PTK2: variants seen among roughly 807,000 people sequenced by gnomAD.
The protein encoded by PTK2 is protein tyrosine kinase 2, also known as focal adhesion kinase 1.
A neutral mutation model predicts 150.1 loss-of-function variants in PTK2; 45 were observed. The observed-to-expected ratio is 0.30, with a 90% CI of 0.24 to 0.38. The LOEUF is 0.38. PTK2 is among the 10% of genes least tolerant of loss of function. The pLI is 1.00. For synonymous variants in PTK2, 432 were observed against 449.2 expected (o/e 0.96, Z 0.48); for missense variants, 919 against 1,307.3 (o/e 0.70, Z 4.58).
At chr8:140,776,856 A>C (rs1209800008) in intron 14 of PTK2, among the ~76,000 whole-genome samples, 1 of 152,226 alleles carries the variant, frequency 6.6e-6, no homozygotes, top group Non-Finnish European at 1.5e-5. Context: ...ACTGTGGCTG[A>C]CACAAAGTGT....
chr8:140,703,120 C>T (rs368553483), intron 24 of PTK2, among the ~76,000 whole-genome samples: 7 of 152,052 alleles, frequency 4.6e-5, no homozygotes, highest in Middle Eastern at 3.4e-3. Context: ...CCGAGGCAGG[C>T]GGATCACAAG....
intron 1 of PTK2, among the ~76,000 whole-genome samples, chr8:140,927,975 A>AAAAAAATAT: frequency 1.7e-4 from 8 of 48,186 alleles, no homozygotes; most frequent in South Asian, 1.0e-3. Flanking sequence ...AAAAAAAAAA[A>AAAAAAATAT]ATATATATAT....
chr8:140,965,679 C>G (rs1317677462), intron 1 of PTK2, among the ~76,000 whole-genome samples: 2 of 152,180 alleles, frequency 1.3e-5, no homozygotes, highest in African/African-American at 4.8e-5. Flanking sequence ...GAGTTCGAGA[C>G]CAGCCTGGCC....
intron 22 of PTK2, among the ~76,000 whole-genome samples, chr8:140,729,374 A>T (rs914274971): frequency 2.6e-5 from 4 of 152,224 alleles, no homozygotes; most frequent in African/African-American, 9.6e-5. Context: ...GATTTGCTTG[A>T]AGTCAACTCT....
chr8:140,671,516 A>C (rs2095407174), intron 29 of PTK2, among the ~76,000 whole-genome samples: 1 of 152,174 alleles, frequency 6.6e-6, no homozygotes, highest in African/African-American at 2.4e-5. Context: ...CACTGTGCCT[A>C]GCTGCATTGC....
At chr8:140,744,061 GCC>G (rs1565485626) in intron 19 of PTK2, among the ~76,000 whole-genome samples, 62 of 65,120 alleles carry the variant, frequency 9.5e-4, no homozygotes, top group Non-Finnish European at 1.3e-3. Context: ...ACAGCTATGA[GCC>G]ACCGCGCCCG....
chr8:140,877,456 G>A (rs1265300329), intron 4 of PTK2, among the ~76,000 whole-genome samples: 2 of 152,234 alleles, frequency 1.3e-5, no homozygotes, highest in South Asian at 2.1e-4. Context: ...AGCTAAGTTC[G>A]AATCAAAGCT....
At chr8:140,832,752 G>C (rs919265965) in intron 7 of PTK2, 2 of 501,512 alleles carry the variant, frequency 4.0e-6, no homozygotes, top group East Asian at 5.5e-5. Flanking sequence ...TACGCACCGA[G>C]AACAGAAAGG....
At chr8:140,742,408 C>G (rs183625917) in intron 20 of PTK2, among the ~76,000 whole-genome samples, 21 of 152,314 alleles carry the variant, frequency 1.4e-4, no homozygotes, top group African/African-American at 5.1e-4. Context: ...CGTGCAACTC[C>G]TGGGTCATAT....
intron 1 of PTK2, among the ~76,000 whole-genome samples, chr8:140,941,979 C>T (rs539340519): frequency 1.3e-5 from 2 of 152,176 alleles, no homozygotes; most frequent in East Asian, 1.9e-4. Flanking sequence ...GCTTGACCAC[C>T]CCCAGGTTCA....
In PTK2 at chr8:140,664,904, G is replaced by A; in HGVS notation, c.2946+13C>T. The A allele has an allele frequency of 6.2e-7, 1 of 1,611,946 alleles. No homozygotes were observed. Among genetic ancestry groups the A allele is most frequent in the South Asian group, 1.1e-5 (1 of 90,618 alleles). On this transcript the variant is annotated intron_variant, in intron 31 of 31. Transcript: ENST00000522684. ...CTGTCACAGAGGGCTGCAAGGGGAA[G>A]ATTGTGCCCTACCTCTCGGTGGGTG...
intron 10 of PTK2, among the ~76,000 whole-genome samples, chr8:140,806,259 C>A: frequency 6.6e-6 from 1 of 152,182 alleles, no homozygotes. Context: ...CTATACTATG[C>A]TGTTTTTGAA....
At chr8:140,854,977 A>ATATG (rs2100131643) in intron 5 of PTK2, among the ~76,000 whole-genome samples, 1 of 152,150 alleles carries the variant, frequency 6.6e-6, no homozygotes, top group Admixed American at 6.5e-5. Context: ...CCAAATATAT[A>ATATG]TATGTATGTA....
At chr8:140,991,248 C>T (rs1384565640) in intron 1 of PTK2, among the ~76,000 whole-genome samples, 1 of 152,170 alleles carries the variant, frequency 6.6e-6, no homozygotes, top group Non-Finnish European at 1.5e-5. Context: ...CAAGACTTGG[C>T]AATCACCCTG....
intron 14 of PTK2, among the ~76,000 whole-genome samples, chr8:140,786,408 T>C (rs1164203127): frequency 1.3e-5 from 2 of 152,128 alleles, no homozygotes; most frequent in Non-Finnish European, 2.9e-5. Flanking sequence ...GAAATAACCC[T>C]GGGATTTAGT....
In PTK2 at chr8:140,698,259, C is replaced by A. The variant is rs114325133; in HGVS notation, c.2499+2632G>T. Among the ~76,000 whole-genome samples the A allele has an allele frequency of 4.5e-3, 678 of 152,218 alleles. 4 individuals are homozygous for A. The highest frequency in any genetic ancestry group is 0.015 in the African/African-American group (643 of 41,538). On this transcript the variant is annotated intron_variant, in intron 26 of 31. Transcript: ENST00000522684. ...TGTCCAAATGCAGTCATACGTGGGA[C>A]TGAAATACAAGAACTCTAGTTTGGA...
intron 4 of PTK2, among the ~76,000 whole-genome samples, chr8:140,865,262 C>T (rs1349948188): frequency 6.6e-6 from 1 of 152,230 alleles, no homozygotes; most frequent in African/African-American, 2.4e-5. Flanking sequence ...GAGGGTCTCA[C>T]TATGCTGCCC....
chr8:140,759,728 T>C (rs2100068213), intron 16 of PTK2, among the ~76,000 whole-genome samples: 1 of 151,818 alleles, frequency 6.6e-6, no homozygotes, highest in East Asian at 1.9e-4. Context: ...TGGTGGCACT[T>C]GCCTGTAGTC....
rs1475222389 is a variant in PTK2 at position 140,789,407 on chromosome 8, A to C, written c.1177+67T>G. On this transcript the variant is annotated intron_variant, in intron 14 of 31. Transcript: ENST00000522684. ...CTAGAACGAAGCAATTATACTAAAA[A>C]TAGACATCTATGATCGTCTTACCCC... is the stretch of plus-strand genomic sequence containing the variant. 4.8e-6 allele frequency: 7 copies of C among 1,460,610 alleles called. No individual in the cohort carries two copies. In the East Asian group the frequency reaches 1.6e-4, roughly 34 times the overall value. The allele number at this position is 1,460,610 out of a possible 1,614,324, so 90.5% of individuals were successfully genotyped here.
Sources: allele counts gnomAD v4.1 joint callset (sites outside exome capture counted in the v4.1 genomes callset), GRCh38; gene constraint gnomAD v4.1.1; transcripts MANE v1.5; gene names NCBI Gene and HGNC (gene_info 2026-07-23, HGNC 2026-07-21).